MZT1: variants seen among roughly 807,000 people sequenced by gnomAD.
The protein encoded by MZT1 is mitotic spindle organizing protein 1.
Under a neutral mutation model 8.5 loss-of-function variants are expected in MZT1, and 8 were observed. That is an observed-to-expected ratio of 0.94 (90% confidence interval 0.55 to 1.70). The LOEUF (loss-of-function observed/expected upper bound fraction) is 1.70, where lower values mean the gene tolerates loss of function less well. Ranked by LOEUF, MZT1 falls within the 40% of genes most tolerant of loss-of-function variation. The pLI is 0.00. For synonymous variants in MZT1, 38 were observed against 42.0 expected, an observed-to-expected ratio of 0.90 and a Z score of 0.37; for missense variants, 93 against 108.6, an observed-to-expected ratio of 0.86 and a Z score of 0.64.
At chr13:72,715,162 C>T (rs1270081009) in intron 2 of MZT1, among the ~76,000 whole-genome samples, 1 of 152,188 alleles carries the variant, frequency 6.6e-6, no homozygotes, top group Non-Finnish European at 1.5e-5. Flanking sequence ...CCAGTGTGTC[C>T]TGCATGTGGG....
chr13:72,726,157 T>C (rs1188015060), intron 1 of MZT1, among the ~76,000 whole-genome samples: 1 of 151,132 alleles, frequency 6.6e-6, no homozygotes, highest in African/African-American at 2.4e-5. Flanking sequence ...AGGCCGGGCA[T>C]GGTGGCTCAC....
At chr13:72,717,021 T>C (rs918759004) in intron 2 of MZT1, among the ~76,000 whole-genome samples, 4 of 152,188 alleles carry the variant, frequency 2.6e-5, no homozygotes, top group African/African-American at 7.2e-5. Flanking sequence ...AGTGTTTGTG[T>C]TGAGATGGTT....
chr13:72,725,252 T>C (rs950581732), intron 1 of MZT1, among the ~76,000 whole-genome samples: 4 of 152,066 alleles, frequency 2.6e-5, no homozygotes, highest in African/African-American at 4.8e-5. Context: ...GGGGGTGTTG[T>C]TGAAAAGGCA....
intron 1 of MZT1, among the ~76,000 whole-genome samples, chr13:72,724,315 A>G (rs1279375096): frequency 6.6e-6 from 1 of 152,118 alleles, no homozygotes; most frequent in African/African-American, 2.4e-5. Context: ...TAGGATGAAC[A>G]GGAGATATTT....
intron 1 of MZT1, among the ~76,000 whole-genome samples, chr13:72,724,088 G>A (rs138405984): frequency 1.3e-5 from 2 of 152,306 alleles, no homozygotes; most frequent in African/African-American, 4.8e-5. Context: ...ATTCAGACCT[G>A]AACTGCTATT....
chr13:72,727,541 A>C lies in MZT1; in HGVS notation c.62T>G (p.Val21Gly). 3.1e-6 allele frequency: 5 copies of C among 1,613,070 alleles called. No homozygotes were observed. The highest frequency in any genetic ancestry group is 4.2e-6 in the Non-Finnish European group (5 of 1,179,636). The change falls in exon 1 of 3, where the codon GTG (valine) becomes GGG (glycine). Residue 21 changes from valine (V) to glycine (G), a missense_variant. By Grantham distance (109) the Val-to-Gly change is moderately radical (BLOSUM62 -3). Coordinates refer to ENST00000377818, the MANE Select transcript of MZT1 (RefSeq NM_001071775.3). ...AAAAAANLNA[V>G]RETMDVLLEI... ...AAACTCACCGTCCATGGTCTCCCGCACCGCATTCAGATTCGCCGCCGCGGC... is the reference window on the plus strand; with the variant it reads ...AAACTCACCGTCCATGGTCTCCCGCCCCGCATTCAGATTCGCCGCCGCGGC...
At chr13:72,719,546 A>G (rs1331681807) in intron 1 of MZT1, among the ~76,000 whole-genome samples, 1 of 152,220 alleles carries the variant, frequency 6.6e-6, no homozygotes, top group African/African-American at 2.4e-5. Context: ...GAATCTGTAC[A>G]TACTAAATTT....
At chr13:72,717,544 G>A (rs1352131019) in intron 2 of MZT1, among the ~76,000 whole-genome samples, 1 of 151,908 alleles carries the variant, frequency 6.6e-6, no homozygotes, top group Non-Finnish European at 1.5e-5. Context: ...TCATTATGTT[G>A]GTCAGGCTGG....
At chr13:72,711,146 G>A (rs2032485280) in intron 2 of MZT1, among the ~76,000 whole-genome samples, 2 of 152,106 alleles carry the variant, frequency 1.3e-5, no homozygotes, top group African/African-American at 2.4e-5. Context: ...TTAAGACACT[G>A]GGGTACTAAA....
chr13:72,726,376 A>T (rs2032657258), intron 1 of MZT1, among the ~76,000 whole-genome samples: 2 of 152,176 alleles, frequency 1.3e-5, no homozygotes, highest in Non-Finnish European at 2.9e-5. Context: ...GGTTGCAGTG[A>T]GCCGAGGTTG....
rs115076558 is a variant in MZT1, at chr13:72,724,019, G to A, written c.79+3505C>T. Reference sequence around the variant, plus strand: ...ATACAGAGGCAGGAGGAAGGGTGATGGTTGAGAGCAAAGAAAACAGCTTGT... The same window carrying A: ...ATACAGAGGCAGGAGGAAGGGTGATAGTTGAGAGCAAAGAAAACAGCTTGT... On this transcript the variant is annotated intron_variant, in intron 1 of 2. Transcript: ENST00000377818. Among the ~76,000 whole-genome samples, 761 of 152,118 alleles carry A rather than the reference G, an allele frequency of 5.0e-3. 7 individuals carry two copies. Among genetic ancestry groups the A allele is most frequent in the African/African-American group, 0.017 (685 of 41,484 alleles).
intron 2 of MZT1, 55 bp downstream of exon 2, chr13:72,718,897 C>G (rs1238307655): frequency 2.7e-6 from 4 of 1,477,224 alleles, no homozygotes; most frequent in Non-Finnish European, 3.6e-6. Context: ...CATCATTAAT[C>G]ATTTTTCTAA....
At chr13:72,722,620 T>C (rs1041913390) in intron 1 of MZT1, among the ~76,000 whole-genome samples, 2 of 152,126 alleles carry the variant, frequency 1.3e-5, no homozygotes, top group Admixed American at 1.3e-4. Flanking sequence ...GTATTTTTGG[T>C]CCAGATCCAA....
In MZT1 at chr13:72,710,393, G is replaced by C. The variant is rs376205342; in HGVS notation, c.226-48C>G. ...ATTACAATAAAACCATGGAAAAAGA[G>C]GCATCATGAAGATAAATTTGTCAAT... On this transcript the variant is annotated intron_variant, in intron 2 of 2. Transcript: ENST00000377818. 1.9e-4 allele frequency: 298 copies of C among 1,588,306 alleles called. 1 individual carries two copies. The African/African-American group carries it at 3.6e-3, about 19-fold the overall frequency.
In MZT1 at chr13:72,710,031, A is replaced by G. The variant is rs1457376688; in HGVS notation, c.*291T>C. 1 of 373,764 alleles carries G rather than the reference A, an allele frequency of 2.7e-6. No homozygotes were observed. Among genetic ancestry groups the G allele is most frequent in the Non-Finnish European group, 4.8e-6 (1 of 206,934 alleles). 23.2% of individuals were successfully genotyped at this position (373,764 alleles called of 1,614,324 possible). ...ATCTGATAGACAGACTGCTTAGAAA[A>G]TTAAAGCTATCAGAGCTATAAATAA... On this transcript the variant is annotated 3_prime_UTR_variant, in exon 3 of 3. Transcript: ENST00000377818.
At chr13:72,718,802 T>C (rs2032564002) in intron 2 of MZT1, 150 bp downstream of exon 2, 2 of 688,664 alleles carry the variant, frequency 2.9e-6, no homozygotes, top group South Asian at 3.0e-5. Flanking sequence ...TTTTATGATA[T>C]GAACATACAC....
intron 1 of MZT1, among the ~76,000 whole-genome samples, chr13:72,722,436 CCT>C (rs2032600781): frequency 6.6e-6 from 1 of 152,198 alleles, no homozygotes; most frequent in South Asian, 2.1e-4. Flanking sequence ...TACCACTTTC[CCT>C]CTTTTTCCTT....
At chr13:72,723,823 G>A (rs2032612664) in intron 1 of MZT1, among the ~76,000 whole-genome samples, 1 of 142,766 alleles carries the variant, frequency 7.0e-6, no homozygotes, top group African/African-American at 2.5e-5. Context: ...AGATATTAAA[G>A]TAATAACTGA....
Position 72,719,107 on chromosome 13 carries a change from G to GAA in MZT1, c.80-11_80-10insTT. 1.7e-6 allele frequency: 2 copies of GAA among 1,191,548 alleles called. No individual in the cohort carries two copies. The highest frequency in any genetic ancestry group is 5.7e-5 in the South Asian group (2 of 35,118). The allele number at this position is 1,191,548 out of a possible 1,614,324, so 73.8% of individuals were successfully genotyped here. ...GAAATCTCAAGCAGAACTGAAAAAAGATACAAAAAAAAAAAAAACTTAAGG... is the reference window on the plus strand; with the variant it reads ...GAAATCTCAAGCAGAACTGAAAAAAGAAATACAAAAAAAAAAAAAACTTAAGG... On this transcript the variant is annotated splice_polypyrimidine_tract_variant and intron_variant, in intron 1 of 2. Transcript: ENST00000377818.
Sources: gnomAD v4.1 joint callset for allele counts (sites outside exome capture counted in the v4.1 genomes callset) on GRCh38, gnomAD v4.1.1 for gene constraint, MANE v1.5 for transcripts, NCBI Gene and HGNC (gene_info 2026-07-23, HGNC 2026-07-21) for gene names.